PLPP4: variants seen among roughly 807,000 people sequenced by gnomAD.
The protein encoded by PLPP4 is phospholipid phosphatase 4, also known as diacylglycerol pyrophosphate like 2.
Under a neutral mutation model 32.2 loss-of-function variants are expected in PLPP4, and 20 were observed. The ratio of observed to expected loss-of-function variants is 0.62; its 90% CI spans 0.44 to 0.90. The LOEUF (loss-of-function observed/expected upper bound fraction) is 0.90, where lower values mean the gene tolerates loss of function less well. Among genes scored for constraint, PLPP4 ranks in the 40% least tolerant of loss-of-function variants. The pLI is 0.00. For missense variants in PLPP4, 257 were observed against 353.1 expected, an observed-to-expected ratio of 0.73 and a Z score of 2.18; for synonymous variants, 127 against 133.0, an observed-to-expected ratio of 0.95 and a Z score of 0.31.
At chr10:120,506,674 G>A (rs1440002974) in intron 2 of PLPP4, among the ~76,000 whole-genome samples, 7 of 152,186 alleles carry the variant, frequency 4.6e-5, no homozygotes, top group Non-Finnish European at 7.3e-5. Context: ...GTGCAATTTA[G>A]AGGAGCCAAT....
chr10:120,520,747 G>A (rs1033015581), intron 4 of PLPP4, among the ~76,000 whole-genome samples: 1 of 152,144 alleles, frequency 6.6e-6, no homozygotes, highest in Non-Finnish European at 1.5e-5. Context: ...AGGTCATAAA[G>A]TGAGTAAGTG....
intron 5 of PLPP4, among the ~76,000 whole-genome samples, chr10:120,535,206 C>G (rs1180253507): frequency 6.6e-6 from 1 of 152,138 alleles, no homozygotes; most frequent in South Asian, 2.1e-4. Context: ...CAAGCATTTT[C>G]TACATTCCTT....
At chr10:120,522,272 G>C (rs937426483) in intron 5 of PLPP4, among the ~76,000 whole-genome samples, 6 of 152,178 alleles carry the variant, frequency 3.9e-5, no homozygotes, top group Admixed American at 2.0e-4. Context: ...ACTGAACGCT[G>C]TTTCCTGGGG....
chr10:120,477,619 G>A (rs1843999874), intron 1 of PLPP4, among the ~76,000 whole-genome samples: 2 of 152,204 alleles, frequency 1.3e-5, no homozygotes, highest in South Asian at 4.1e-4. Context: ...AAGAATCAGT[G>A]TCAGAGAGAA....
chr10:120,521,570 A>G (rs1203702456), intron 5 of PLPP4, among the ~76,000 whole-genome samples: 6 of 152,228 alleles, frequency 3.9e-5, no homozygotes. Context: ...TAGTCTGACT[A>G]TAGATGTGTG....
intron 1 of PLPP4, among the ~76,000 whole-genome samples, chr10:120,495,571 T>C (rs1378567793): frequency 6.6e-6 from 1 of 152,200 alleles, no homozygotes; most frequent in Non-Finnish European, 1.5e-5. Context: ...TGAGGAAATA[T>C]GCTTTCCTTT....
chr10:120,533,319 C>T (rs1435889830), intron 5 of PLPP4, among the ~76,000 whole-genome samples: 2 of 152,132 alleles, frequency 1.3e-5, no homozygotes, highest in Non-Finnish European at 2.9e-5. Context: ...ATCTTATCTG[C>T]AAAATTTTCT....
rs191466790 is a variant in PLPP4 at position 120,502,743 on chromosome 10, A to G, written c.57-1075A>G. ...GACTGGGACGGCTTTAGGGTGACCA[A>G]CTGTTCTGGTTTGCTCAAGACTGAG... On this transcript the variant is annotated intron_variant, in intron 1 of 6. Transcript: ENST00000398250. Among the ~76,000 whole-genome samples, 445 of 152,308 alleles carry G rather than the reference A, an allele frequency of 2.9e-3. 4 individuals carry two copies. The highest frequency in any genetic ancestry group is 0.01 in the African/African-American group (426 of 41,572).
chr10:120,574,716 C>T (rs1849130976), intron 5 of PLPP4, among the ~76,000 whole-genome samples: 1 of 152,152 alleles, frequency 6.6e-6, no homozygotes, highest in Non-Finnish European at 1.5e-5. Context: ...TCTGTATGTA[C>T]TTGTTTCTTA....
At chr10:120,487,498 A>C (rs1420814684) in intron 1 of PLPP4, among the ~76,000 whole-genome samples, 1 of 152,266 alleles carries the variant, frequency 6.6e-6, no homozygotes, top group East Asian at 1.9e-4. Flanking sequence ...AAATCATTTA[A>C]GTCAGAGAAG....
intron 1 of PLPP4, among the ~76,000 whole-genome samples, chr10:120,490,646 A>G (rs1298349062): frequency 1.3e-5 from 2 of 152,160 alleles, no homozygotes; most frequent in African/African-American, 4.8e-5. Context: ...ATTCTAGAAC[A>G]CAGCCTTGTT....
intron 3 of PLPP4, 77 bp downstream of exon 3, chr10:120,514,078 A>G (rs1009884874): frequency 1.8e-6 from 2 of 1,086,306 alleles, no homozygotes; most frequent in Non-Finnish European, 2.8e-6. Flanking sequence ...AATCTCAGTT[A>G]CACCCAACTG....
chr10:120,510,497 C>T (rs1007837321), intron 2 of PLPP4, among the ~76,000 whole-genome samples: 1 of 152,172 alleles, frequency 6.6e-6, no homozygotes, highest in African/African-American at 2.4e-5. Context: ...AAGGGAGCAT[C>T]CCCACCTTAC....
At chr10:120,581,168 G>A (rs750775377) in intron 6 of PLPP4, 15 of 985,316 alleles carry the variant, frequency 1.5e-5, no homozygotes, top group African/African-American at 1.7e-5. Flanking sequence ...GTGTTTCCCC[G>A]TGATGTAATT....
intron 1 of PLPP4, among the ~76,000 whole-genome samples, chr10:120,497,145 C>T (rs1400189140): frequency 6.6e-6 from 1 of 151,676 alleles, no homozygotes; most frequent in African/African-American, 2.4e-5. Context: ...ATTCAGGTGA[C>T]CAAAAAAAGG....
At chr10:120,573,620 A>G (rs941847166) in intron 5 of PLPP4, among the ~76,000 whole-genome samples, 50 of 152,264 alleles carry the variant, frequency 3.3e-4, no homozygotes, top group African/African-American at 1.2e-3. Context: ...TGTACTGATC[A>G]TTTTCAGTTT....
At chr10:120,549,921 G>A (rs1847810044) in intron 5 of PLPP4, among the ~76,000 whole-genome samples, 1 of 151,908 alleles carries the variant, frequency 6.6e-6, no homozygotes, top group Non-Finnish European at 1.5e-5. Flanking sequence ...CTGTTTGATT[G>A]CAGACATCAT....
intron 1 of PLPP4, among the ~76,000 whole-genome samples, chr10:120,485,163 G>T (rs1251317142): frequency 6.6e-6 from 1 of 152,238 alleles, no homozygotes; most frequent in East Asian, 1.9e-4. Context: ...GTTACTTAAA[G>T]CCACTATGTT....
intron 1 of PLPP4, among the ~76,000 whole-genome samples, chr10:120,479,542 C>T (rs764602679): frequency 6.6e-5 from 10 of 152,206 alleles, no homozygotes; most frequent in Non-Finnish European, 8.8e-5. Context: ...TCATCTGCCT[C>T]TGCTCAGCAG....
Sources: gnomAD v4.1 joint callset for allele counts (sites outside exome capture counted in the v4.1 genomes callset) on GRCh38, gnomAD v4.1.1 for gene constraint, MANE v1.5 for transcripts, NCBI Gene and HGNC (gene_info 2026-07-23, HGNC 2026-07-21) for gene names.